TMEM232: variants seen among roughly 807,000 people sequenced by gnomAD.
The protein encoded by TMEM232 is transmembrane protein 232.
Under a neutral mutation model 78.8 loss-of-function variants are expected in TMEM232, and 80 were observed. That is an observed-to-expected ratio of 1.01 (90% confidence interval 0.85 to 1.22). The LOEUF is 1.22. Among genes scored for constraint, TMEM232 ranks in the 50% most tolerant of loss-of-function variants. The pLI, the probability that TMEM232 is intolerant of heterozygous loss-of-function variation, is 0.00. For missense variants in TMEM232, 881 were observed against 742.2 expected (o/e 1.19, Z -2.17); for synonymous variants, 297 against 254.3 (o/e 1.17, Z -1.60).
chr5:110,655,677 T>C (rs10060072), intron 2 of TMEM232, among the ~76,000 whole-genome samples: 10,662 of 149,388 alleles, frequency 0.071, 475 homozygotes, highest in South Asian at 0.17. Context: ...CAATGATAGA[T>C]TGGATTAAGA....
intron 10 of TMEM232, among the ~76,000 whole-genome samples, chr5:110,590,925 C>G (rs528143107): frequency 6.6e-6 from 1 of 152,020 alleles, no homozygotes; most frequent in Non-Finnish European, 1.5e-5. Flanking sequence ...CTCACTATCA[C>G]GAGAACAGCA....
chr5:110,455,696 T>C (rs1242637127), intron 12 of TMEM232, among the ~76,000 whole-genome samples: 1 of 152,084 alleles, frequency 6.6e-6, no homozygotes, highest in African/African-American at 2.4e-5. Flanking sequence ...TATAAACTTT[T>C]AAACAAAATG....
chr5:110,651,442 G>A (rs918433165), intron 2 of TMEM232, among the ~76,000 whole-genome samples: 1 of 150,470 alleles, frequency 6.6e-6, no homozygotes, highest in Admixed American at 6.7e-5. Context: ...AAGGGAAGGG[G>A]AGGAAAAGGG....
intron 5 of TMEM232, among the ~76,000 whole-genome samples, chr5:110,632,657 G>T (rs1204971291): frequency 6.6e-6 from 1 of 151,674 alleles, no homozygotes; most frequent in Non-Finnish European, 1.5e-5. Flanking sequence ...CAACACAAAA[G>T]AATCTCAGAA....
At chr5:110,659,227 G>C (rs12109121) in intron 2 of TMEM232, among the ~76,000 whole-genome samples, 1 of 151,966 alleles carries the variant, frequency 6.6e-6, no homozygotes, top group African/African-American at 2.4e-5. Flanking sequence ...TAGGATTATC[G>C]GTATAAAGTA....
At chr5:110,627,708 T>A in intron 6 of TMEM232, 73 bp downstream of exon 6, 1 of 1,065,110 alleles carries the variant, frequency 9.4e-7, no homozygotes, top group East Asian at 2.8e-5. Context: ...CTTACGTTCT[T>A]TATAGTGACA....
intron 1 of TMEM232, among the ~76,000 whole-genome samples, chr5:110,696,370 G>T (rs1794782085): frequency 6.6e-6 from 1 of 152,152 alleles, no homozygotes; most frequent in Non-Finnish European, 1.5e-5. Context: ...AAAACTGGAA[G>T]CATTCCCTTT....
intron 12 of TMEM232, among the ~76,000 whole-genome samples, chr5:110,521,495 G>C (rs75683040): frequency 0.076 from 11,488 of 152,118 alleles, 855 homozygotes; most frequent in African/African-American, 0.2. Flanking sequence ...TTGTCACCCG[G>C]AGTTTTGGTG....
chr5:110,653,485 C>A (rs1788611297), intron 2 of TMEM232, among the ~76,000 whole-genome samples: 1 of 152,096 alleles, frequency 6.6e-6, no homozygotes, highest in African/African-American at 2.4e-5. Flanking sequence ...ATCCTTGAAG[C>A]CTTGGCAGGA....
chr5:110,591,496 A>G (rs73224371), intron 10 of TMEM232, among the ~76,000 whole-genome samples: 7,722 of 152,208 alleles, frequency 0.051, 693 homozygotes, highest in African/African-American at 0.18. Context: ...TTCCTCACCT[A>G]TAGTTTCTCA....
intron 11 of TMEM232, among the ~76,000 whole-genome samples, chr5:110,535,097 A>G (rs1772133752): frequency 6.6e-6 from 1 of 151,966 alleles, no homozygotes. Flanking sequence ...GTTTTTTCTT[A>G]TTAATATAAG....
At chr5:110,477,064 G>T (rs1008317383) in intron 12 of TMEM232, among the ~76,000 whole-genome samples, 1 of 151,808 alleles carries the variant, frequency 6.6e-6, no homozygotes, top group African/African-American at 2.4e-5. Flanking sequence ...ATTTAGACAA[G>T]GTTTTTCAAA....
intron 5 of TMEM232, among the ~76,000 whole-genome samples, chr5:110,635,111 A>T (rs1052426582): frequency 6.6e-6 from 1 of 152,094 alleles, no homozygotes; most frequent in African/African-American, 2.4e-5. Flanking sequence ...TCCTGAAAAC[A>T]TACAACCTAC....
At chr5:110,475,103 C>T (rs59333743) in intron 12 of TMEM232, among the ~76,000 whole-genome samples, 4,567 of 151,944 alleles carry the variant, frequency 0.03, 241 homozygotes, top group African/African-American at 0.1. Context: ...ATCACACAGT[C>T]ACATAAATTA....
chr5:110,727,096 A>C (rs1208816052), upstream of TMEM232, among the ~76,000 whole-genome samples: 1 of 152,224 alleles, frequency 6.6e-6, no homozygotes, highest in Admixed American at 6.5e-5. Context: ...GAGTAAACAA[A>C]GCACCTAGAA....
intron 1 of TMEM232, among the ~76,000 whole-genome samples, chr5:110,737,819 A>T (rs78371659): frequency 7.9e-5 from 12 of 152,304 alleles, no homozygotes; most frequent in African/African-American, 2.6e-4. Context: ...TATATATTTT[A>T]AAATTTACTA....
chr5:110,656,068 AT>A (rs1301091228), intron 2 of TMEM232, among the ~76,000 whole-genome samples: 6 of 152,142 alleles, frequency 3.9e-5, no homozygotes, highest in African/African-American at 1.2e-4. Flanking sequence ...AAAAAAAACA[AT>A]ACTTTAATTG....
chr5:110,438,651 AC>A (rs1367801567), intron 12 of TMEM232, among the ~76,000 whole-genome samples: 7 of 152,066 alleles, frequency 4.6e-5, no homozygotes, highest in Non-Finnish European at 8.8e-5. Context: ...AGAAACCAAG[AC>A]CAGAAGTCAG....
At chr5:110,471,857 A>T (rs1762722124) in intron 12 of TMEM232, among the ~76,000 whole-genome samples, 1 of 152,118 alleles carries the variant, frequency 6.6e-6, no homozygotes, top group East Asian at 1.9e-4. Context: ...TAAGAAGTCA[A>T]AAAAGAGAGA....
Sources: allele counts gnomAD v4.1 joint callset (sites outside exome capture counted in the v4.1 genomes callset), GRCh38; gene constraint gnomAD v4.1.1; transcripts MANE v1.5; gene names NCBI Gene and HGNC (gene_info 2026-07-23, HGNC 2026-07-21).